Variants in SOS1 observed in about 807,000 individuals in gnomAD.
The protein encoded by SOS1 is SOS Ras/Rac guanine nucleotide exchange factor 1, also known as son of sevenless homolog 1.
In SOS1, 25 loss-of-function variants were observed where a neutral mutation model predicts 157.6. The observed-to-expected ratio is 0.16, with a 90% CI of 0.12 to 0.22. The LOEUF (loss-of-function observed/expected upper bound fraction) is 0.22, where lower values mean the gene tolerates loss of function less well. Ranked by LOEUF, SOS1 falls within the 10% of genes least tolerant of loss-of-function variation. SOS1 has a pLI of 1.00. For synonymous variants in SOS1, 528 were observed against 534.0 expected (o/e 0.99, Z 0.16); for missense variants, 1,237 against 1,599.1 (o/e 0.77, Z 3.86).
At chr2:39,098,338 G>C (rs1672847554) in intron 1 of SOS1, 1 of 261,388 alleles carries the variant, frequency 3.8e-6, no homozygotes, top group Non-Finnish European at 7.5e-6. Context: ...ACTTTTCCTT[G>C]AGATTTTTCT....
At chr2:39,030,393 G>C in intron 8 of SOS1, among the ~76,000 whole-genome samples, 1 of 152,052 alleles carries the variant, frequency 6.6e-6, no homozygotes, top group East Asian at 1.9e-4. Context: ...ATGGGACCTT[G>C]TCTCTACAAA....
At chr2:39,029,734 ACG>A (rs1670092469) in intron 8 of SOS1, among the ~76,000 whole-genome samples, 4 of 152,234 alleles carry the variant, frequency 2.6e-5, no homozygotes, top group Non-Finnish European at 5.9e-5. Flanking sequence ...CTCCTGTGGT[ACG>A]CTATCCTATG....
chr2:39,080,365 A>G (rs1274956182), intron 1 of SOS1, among the ~76,000 whole-genome samples: 2 of 152,110 alleles, frequency 1.3e-5, no homozygotes, highest in African/African-American at 2.4e-5. Flanking sequence ...GTAAATACAG[A>G]TGAAGCTTTG....
intron 17 of SOS1, among the ~76,000 whole-genome samples, chr2:39,004,154 G>GC (rs1669205125): frequency 6.6e-6 from 1 of 151,416 alleles, no homozygotes; most frequent in Non-Finnish European, 1.5e-5. Flanking sequence ...GGTGGCTCAA[G>GC]CCTGTAATCC....
At chr2:39,093,146 T>C (rs1672650073) in intron 1 of SOS1, among the ~76,000 whole-genome samples, 1 of 152,212 alleles carries the variant, frequency 6.6e-6, no homozygotes, top group Non-Finnish European at 1.5e-5. Context: ...CCAATGATCT[T>C]GAAAGATAGG....
At chr2:39,115,536 T>C (rs944778823) in intron 1 of SOS1, among the ~76,000 whole-genome samples, 12 of 146,656 alleles carry the variant, frequency 8.2e-5, no homozygotes, top group Non-Finnish European at 1.5e-4. Context: ...CACCTCAGCC[T>C]CCCAAGCAGC....
chr2:39,034,119 T>C (rs1670261527), intron 8 of SOS1, among the ~76,000 whole-genome samples: 1 of 152,226 alleles, frequency 6.6e-6, no homozygotes, highest in Admixed American at 6.5e-5. Context: ...TTAAATGGTA[T>C]GCTATTGCTA....
chr2:39,017,767 G>A (rs531485287), intron 10 of SOS1, among the ~76,000 whole-genome samples: 211 of 151,902 alleles, frequency 1.4e-3, no homozygotes, highest in Non-Finnish European at 2.2e-3. Context: ...ATACTAAGAC[G>A]ACAAAGTACT....
intron 1 of SOS1, among the ~76,000 whole-genome samples, chr2:39,109,881 G>C (rs996527882): frequency 6.6e-6 from 1 of 152,104 alleles, no homozygotes; most frequent in Non-Finnish European, 1.5e-5. Context: ...AAAAGATCTA[G>C]AAATACTAAA....
At chr2:39,117,007 C>G (rs1427282396) in intron 1 of SOS1, among the ~76,000 whole-genome samples, 1 of 150,612 alleles carries the variant, frequency 6.6e-6, no homozygotes, top group Non-Finnish European at 1.5e-5. Flanking sequence ...CTAATTTAGT[C>G]TTTTCTGATT....
intron 1 of SOS1, among the ~76,000 whole-genome samples, chr2:39,092,262 G>T (rs1308897595): frequency 6.6e-6 from 1 of 152,044 alleles, no homozygotes; most frequent in African/African-American, 2.4e-5. Context: ...TGTAGTGGGA[G>T]GATCATGGCT....
chr2:39,075,647 T>A (rs927124400), intron 1 of SOS1, among the ~76,000 whole-genome samples: 1 of 151,374 alleles, frequency 6.6e-6, no homozygotes, highest in African/African-American at 2.4e-5. Context: ...CAAAATATTA[T>A]AATAAATTTT....
chr2:39,026,876 C>CA (rs1400889892), intron 8 of SOS1, among the ~76,000 whole-genome samples: 1 of 151,850 alleles, frequency 6.6e-6, no homozygotes, highest in Admixed American at 6.6e-5. Flanking sequence ...TTAAAAATTG[C>CA]AAAAAAATCT....
At chr2:39,091,128 C>A (rs1350753271) in intron 1 of SOS1, among the ~76,000 whole-genome samples, 1 of 152,152 alleles carries the variant, frequency 6.6e-6, no homozygotes, top group African/African-American at 2.4e-5. Flanking sequence ...CTTGGCCTGC[C>A]AAAGTGCTGG....
intron 3 of SOS1, 108 bp downstream of exon 3, chr2:39,058,565 T>G (rs1285835639): frequency 4.1e-6 from 5 of 1,210,182 alleles, no homozygotes; most frequent in East Asian, 2.4e-5. Context: ...AATGAGAGAA[T>G]TTTACTCTTA....
intron 1 of SOS1, among the ~76,000 whole-genome samples, chr2:39,108,121 C>A (rs1012612293): frequency 6.6e-6 from 1 of 152,194 alleles, no homozygotes; most frequent in African/African-American, 2.4e-5. Context: ...AATCCTCTCA[C>A]TGCCCTGCTC....
chr2:39,057,480 C>G (rs575960316), intron 3 of SOS1, among the ~76,000 whole-genome samples: 1 of 151,844 alleles, frequency 6.6e-6, no homozygotes, highest in African/African-American at 2.4e-5. Context: ...TCTGTTCATA[C>G]AGAATAACAA....
At position 39,056,969 on chromosome 2, in the gene SOS1, T is replaced by C. The variant is rs1671234394; in HGVS notation, c.346-103A>G. The C allele has an allele frequency of 3.6e-6, 3 of 828,162 alleles. 1 individual carries two copies. Among genetic ancestry groups the C allele is most frequent in the South Asian group, 2.9e-5 (2 of 69,634 alleles). 51.3% of individuals were successfully genotyped at this position (828,162 alleles called of 1,614,324 possible). A position where few individuals can be genotyped will look rare whatever the true frequency, so the allele number is the denominator to read the frequency against. On this transcript the variant is annotated intron_variant, in intron 3 of 22. Transcript: ENST00000402219. ...TTTGCACCTTAACTTACACTTTTTT[T>C]CCTGAGGCCTGTGCTTACCAACAAC... is the stretch of plus-strand genomic sequence containing the variant.
At chr2:39,120,111 C>A (rs184731028) in intron 1 of SOS1, among the ~76,000 whole-genome samples, 5 of 152,134 alleles carry the variant, frequency 3.3e-5, no homozygotes, top group Admixed American at 2.0e-4. Context: ...TTGGATTATC[C>A]GGATAAACTC....
Sources: gnomAD v4.1 joint callset for allele counts (sites outside exome capture counted in the v4.1 genomes callset) on GRCh38, gnomAD v4.1.1 for gene constraint, MANE v1.5 for transcripts, NCBI Gene and HGNC (gene_info 2026-07-23, HGNC 2026-07-21) for gene names.